Variants in GREB1 observed in about 807,000 individuals in gnomAD.
The protein encoded by GREB1 is protein GREB1.
A neutral mutation model predicts 200.7 loss-of-function variants in GREB1; 106 were observed. The ratio of observed to expected loss-of-function variants is 0.53; its 90% confidence interval spans 0.45 to 0.62. GREB1 has a LOEUF of 0.62. Among genes scored for constraint, GREB1 ranks in the 20% least tolerant of loss-of-function variants. The pLI, the probability that GREB1 is intolerant of heterozygous loss-of-function variation, is 0.00. For missense variants in GREB1, 2,243 were observed against 2,556.8 expected, an observed-to-expected ratio of 0.88 and a Z score of 2.65; for synonymous variants, 1,132 against 1,092.4, an observed-to-expected ratio of 1.04 and a Z score of -0.72.
intron 15 of GREB1, among the ~76,000 whole-genome samples, chr2:11,599,371 A>C (rs1572874235): frequency 2.3e-5 from 3 of 132,018 alleles, no homozygotes; most frequent in African/African-American, 2.9e-5. Context: ...ACGGAGTCTC[A>C]CTCTGTCGCC....
chr2:11,526,317 G>A (rs1158941573), intron 1 of GREB1, among the ~76,000 whole-genome samples: 1 of 152,164 alleles, frequency 6.6e-6, no homozygotes, highest in Non-Finnish European at 1.5e-5. Flanking sequence ...GAATGTAGTA[G>A]AAAGATTATG....
At chr2:11,596,861 A>G (rs1681308777) in intron 13 of GREB1, among the ~76,000 whole-genome samples, 1 of 76,706 alleles carries the variant, frequency 1.3e-5, no homozygotes, top group African/African-American at 5.3e-5. Context: ...TGGTGTGTAC[A>G]GTGAGAGGGG....
chr2:11,620,794 A>G, intron 22 of GREB1, 111 bp from the exon 23 acceptor site: 1 of 671,986 alleles, frequency 1.5e-6, no homozygotes, highest in Non-Finnish European at 2.7e-6. Context: ...CATTTTAAAG[A>G]CAGGATCTTC....
intron 1 of GREB1, among the ~76,000 whole-genome samples, chr2:11,511,528 A>T (rs1486524501): frequency 6.6e-6 from 1 of 152,138 alleles, no homozygotes; most frequent in Non-Finnish European, 1.5e-5. Flanking sequence ...GGGTGGGTGG[A>T]GAAGGTAACA....
At position 11,592,965 on chromosome 2, in the gene GREB1, G is replaced by T; in HGVS notation, c.1535G>T (p.Cys512Phe). The T allele has an allele frequency of 6.3e-7, 1 of 1,597,102 alleles. No individual in the cohort carries two copies. The highest frequency in any genetic ancestry group is 8.5e-7 in the Non-Finnish European group (1 of 1,171,228). ...CTGGCCAGCCTGGCCGCCAGCTCCT[G>T]CAACGACAGCGTGCACGTCATCGAG... ...PWLASLAASS[C>F]NDSVHVIECA... The change falls in exon 11 of 33, where the codon TGC becomes TTC. Residue 512 changes from cysteine to phenylalanine, a missense_variant. This residue lies in a region of GREB1 where 1,178 missense variants were observed against 1,387.4 expected (regional missense o/e 0.85). Transcript: ENST00000381486.
chr2:11,535,275 C>T (rs980132508), intron 1 of GREB1, among the ~76,000 whole-genome samples: 1 of 152,218 alleles, frequency 6.6e-6, no homozygotes, highest in Non-Finnish European at 1.5e-5. Flanking sequence ...GTCAGCTCCA[C>T]ATTCCCTCTC....
In GREB1 at chr2:11,585,144, C is replaced by T; in HGVS notation, c.902-17C>T. The T allele has an allele frequency of 6.9e-7, 1 of 1,449,510 alleles. No individual in the cohort carries two copies. Among genetic ancestry groups the T allele is most frequent in the Non-Finnish European group, 9.4e-7 (1 of 1,064,794 alleles). The allele number at this position is 1,449,510 out of a possible 1,614,324, so 89.8% of individuals were successfully genotyped here. On this transcript the variant is annotated splice_polypyrimidine_tract_variant and intron_variant, in intron 7 of 32. Coordinates refer to ENST00000381486, the MANE Select transcript of GREB1 (RefSeq NM_014668.4). ...TGTCCTGGTGATAGCCTAATCCACA[C>T]TCTGAATATTGTCTAGGTATCTTGT...
chr2:11,580,737 C>G lies in GREB1; in HGVS notation c.806C>G (p.Ala269Gly). The G allele has an allele frequency of 1.9e-6, 3 of 1,614,076 alleles. No homozygotes were observed. Among genetic ancestry groups the G allele is most frequent in the Non-Finnish European group, 2.5e-6 (3 of 1,179,934 alleles). Residue 269 changes from alanine to glycine, a missense_variant, in exon 7 of 33, where the codon GCA becomes GGA. This residue lies in a region of GREB1 where 1,178 missense variants were observed against 1,387.4 expected (regional missense o/e 0.85). Transcript: ENST00000381486. The surrounding 1 kb of genome is among the most constrained non-coding windows in gnomAD (Gnocchi z 4.5). Reference protein sequence around the residue: ...PASDHPSLNAAMGPAVFNGKD... With the variant: ...PASDHPSLNAGMGPAVFNGKD... Reference sequence around the variant, plus strand: ...TCTGATCACCCCTCACTAAACGCAGCAATGGGTCCGGCTGTTTTCAACGGC... The same window carrying G: ...TCTGATCACCCCTCACTAAACGCAGGAATGGGTCCGGCTGTTTTCAACGGC...
chr2:11,529,380 G>A (rs1423342012), upstream of GREB1, among the ~76,000 whole-genome samples: 1 of 152,230 alleles, frequency 6.6e-6, no homozygotes, highest in Non-Finnish European at 1.5e-5. Context: ...CAAGGGAAGT[G>A]CAAATTAAAA....
chr2:11,564,419 T>C (rs1677411209), intron 3 of GREB1, among the ~76,000 whole-genome samples: 1 of 152,130 alleles, frequency 6.6e-6, no homozygotes, highest in African/African-American at 2.4e-5. Flanking sequence ...GTGGCACAAG[T>C]AGTCAAGTCC....
intron 24 of GREB1, among the ~76,000 whole-genome samples, chr2:11,625,994 T>C (rs56775221): frequency 0.11 from 16,969 of 151,900 alleles, 1,524 homozygotes; most frequent in East Asian, 0.31. Flanking sequence ...TAGAAAACCA[T>C]TGCATCTCGT....
chr2:11,482,905 C>T (rs930846256), intron 1 of GREB1, among the ~76,000 whole-genome samples: 1 of 151,326 alleles, frequency 6.6e-6, no homozygotes, highest in Non-Finnish European at 1.5e-5. Context: ...GGGCTAGCCT[C>T]CGTCGGCGGC....
In GREB1 at chr2:11,640,737, C is replaced by T. The variant is rs1685759373; in HGVS notation, c.*283C>T. On this transcript the variant is annotated 3_prime_UTR_variant, in exon 33 of 33. Coordinates refer to ENST00000381486, the MANE Select transcript of GREB1 (RefSeq NM_014668.4). The surrounding 1 kb of genome is among the most constrained non-coding windows in gnomAD (Gnocchi z 4.6). ...TTTCACGAGGAACAAAGATTTACTT[C>T]CTGTCCTGCCATTCGTGTGCTTCCA... The T allele has an allele frequency of 2.6e-6, 1 of 388,654 alleles. No individual in the cohort carries two copies. The highest frequency in any genetic ancestry group is 4.8e-5 in the Admixed American group (1 of 20,710). The allele number at this position is 388,654 out of a possible 1,614,324, so 24.1% of individuals were successfully genotyped here.
Position 11,576,544 on chromosome 2 carries a change from G to C in GREB1, c.637+9G>C, listed in dbSNP as rs777124422. The C allele has an allele frequency of 1.2e-6, 2 of 1,609,634 alleles. No homozygotes were observed. The highest frequency in any genetic ancestry group is 2.2e-5 in the South Asian group (2 of 89,796). On this transcript the variant is annotated intron_variant, in intron 5 of 32. Transcript: ENST00000381486. ...CTGTTGGAAAGGCTCAGGTGAGCAG[G>C]TTGGCTGTGGAGGAGGTATGGGAGT...
At chr2:11,551,368 T>G (rs965011506) in intron 1 of GREB1, among the ~76,000 whole-genome samples, 2 of 152,244 alleles carry the variant, frequency 1.3e-5, no homozygotes, top group Non-Finnish European at 2.9e-5. Context: ...AAAGGTCCTA[T>G]TGAAAGAGTG....
At chr2:11,617,839 C>T in intron 21 of GREB1, among the ~76,000 whole-genome samples, 1 of 152,126 alleles carries the variant, frequency 6.6e-6, no homozygotes, top group East Asian at 1.9e-4. Flanking sequence ...GGCTAGGGGG[C>T]ATCTGGGGCC....
Position 11,640,623 on chromosome 2 carries a change from G to C in GREB1, c.*169G>C. ...GGCCCCCGAGGCCGTGGTCCTGGGA[G>C]CCAGGAAGACTCCGCAGTGGGTGAG... On this transcript the variant is annotated 3_prime_UTR_variant, in exon 33 of 33. Coordinates refer to ENST00000381486, the MANE Select transcript of GREB1 (RefSeq NM_014668.4). This position sits in a 1 kb window ranked among gnomAD's most constrained non-coding sequence, Gnocchi z 4.6. 1 of 703,446 alleles carries C rather than the reference G, an allele frequency of 1.4e-6. No individual in the cohort carries two copies. The highest frequency in any genetic ancestry group is 2.3e-6 in the Non-Finnish European group (1 of 429,220). 43.6% of individuals were successfully genotyped at this position (703,446 alleles called of 1,614,324 possible). A position where few individuals can be genotyped will look rare whatever the true frequency, so the allele number is the denominator to read the frequency against.
chr2:11,621,549 T>A (rs1207814569), intron 23 of GREB1, among the ~76,000 whole-genome samples: 3 of 152,244 alleles, frequency 2.0e-5, no homozygotes, highest in Non-Finnish European at 4.4e-5. Context: ...GGTCAGTTTC[T>A]TTTTGAGCAC....
At chr2:11,596,618 C>T (rs1423204590) in intron 13 of GREB1, among the ~76,000 whole-genome samples, 2 of 52,920 alleles carry the variant, frequency 3.8e-5, no homozygotes, top group African/African-American at 1.7e-4. Flanking sequence ...CTGGTGTGTA[C>T]AGTAAGAGGG....
Sources: gnomAD v4.1 joint callset for allele counts (sites outside exome capture counted in the v4.1 genomes callset) on GRCh38, gnomAD v4.1.1 for gene constraint, gnomAD v4.1.1 regional missense constraint, Gnocchi (gnomAD v3.1) non-coding constraint, MANE v1.5 for transcripts, NCBI Gene and HGNC (gene_info 2026-07-23, HGNC 2026-07-21) for gene names.